Variants in ITGBL1 observed in about 807,000 individuals in gnomAD.
ITGBL1 encodes integrin subunit beta like 1.
In ITGBL1, 51 loss-of-function variants were observed where a neutral mutation model predicts 68.5. The observed-to-expected ratio is 0.74, with a 90% CI of 0.59 to 0.94. ITGBL1 has a LOEUF of 0.94. Ranked by LOEUF, ITGBL1 falls within the 40% of genes least tolerant of loss-of-function variation. The pLI, the probability that ITGBL1 is intolerant of heterozygous loss-of-function variation, is 0.00. For synonymous variants in ITGBL1, 209 were observed against 227.3 expected (o/e 0.92, Z 0.72); for missense variants, 649 against 647.4 (o/e 1.00, Z -0.03).
At position 101,606,176 on chromosome 13, in the gene ITGBL1, A is replaced by ATG. The variant is rs2030846107; in HGVS notation, c.1015+7878_1015+7879insGT. On this transcript the variant is annotated intron_variant, in intron 7 of 10. Coordinates refer to ENST00000376180, the MANE Select transcript of ITGBL1 (RefSeq NM_004791.3). Reference sequence around the variant, plus strand: ...TTCAGTATATTCTATTAGGATTTTTATATATATATATATATAGCCTTATAT... The same window carrying ATG: ...TTCAGTATATTCTATTAGGATTTTTATGTATATATATATATATAGCCTTATAT... 2.8e-5 allele frequency among the ~76,000 whole-genome samples: 4 copies of ATG among 144,100 alleles called. No homozygotes were observed. The South Asian group carries it at 8.7e-4, about 31-fold the overall frequency. 94.5% of individuals were successfully genotyped at this position (144,100 alleles called of 152,430 possible).
intron 2 of ITGBL1, among the ~76,000 whole-genome samples, chr13:101,518,679 T>G (rs2049234386): frequency 6.6e-6 from 1 of 152,198 alleles, no homozygotes; most frequent in African/African-American, 2.4e-5. Context: ...AATATTGGCC[T>G]TGAGAAAATG....
chr13:101,679,823 G>T (rs1180250347), intron 7 of ITGBL1, among the ~76,000 whole-genome samples: 3 of 152,206 alleles, frequency 2.0e-5, no homozygotes, highest in Non-Finnish European at 4.4e-5. Context: ...TTAGAGATGA[G>T]TGTGGCCTGG....
intron 7 of ITGBL1, among the ~76,000 whole-genome samples, chr13:101,616,315 A>G (rs900690461): frequency 6.6e-6 from 1 of 152,146 alleles, no homozygotes; most frequent in African/African-American, 2.4e-5. Flanking sequence ...ATGTATATCC[A>G]AGGTAGGATG....
chr13:101,464,671 A>G (rs2048359896), intron 2 of ITGBL1, among the ~76,000 whole-genome samples: 1 of 152,180 alleles, frequency 6.6e-6, no homozygotes, highest in Non-Finnish European at 1.5e-5. Flanking sequence ...CATAATATAT[A>G]TACACATATT....
rs1399006996 is a variant in ITGBL1 at position 101,564,567 on chromosome 13, T to C, written c.317-3132T>C. ...ATGTATATATAACAATATATAACAATTTATGTACATATATATGTATCCTGG... is the reference window on the plus strand; with the variant it reads ...ATGTATATATAACAATATATAACAACTTATGTACATATATATGTATCCTGG... On this transcript the variant is annotated intron_variant, in intron 2 of 10. Transcript: ENST00000376180. Among the ~76,000 whole-genome samples, 3 of 150,370 alleles carry C rather than the reference T, an allele frequency of 2.0e-5. No homozygotes were observed. In the East Asian group the frequency reaches 5.8e-4, roughly 29 times the overall value.
chr13:101,629,574 A>AT (rs1255137374), intron 7 of ITGBL1, among the ~76,000 whole-genome samples: 2 of 152,052 alleles, frequency 1.3e-5, no homozygotes, highest in Non-Finnish European at 2.9e-5. Context: ...AAGATATAGC[A>AT]TTTTTTCAAT....
chr13:101,576,793 C>A (rs542596549), intron 4 of ITGBL1, among the ~76,000 whole-genome samples: 1 of 152,254 alleles, frequency 6.6e-6, no homozygotes, highest in African/African-American at 2.4e-5. Flanking sequence ...AACACAAAAA[C>A]CTTATTTTCA....
At position 101,567,834 on chromosome 13, in the gene ITGBL1, G is replaced by C. The variant is rs200840079; in HGVS notation, c.452G>C (p.Cys151Ser). 1 of 1,612,814 alleles carries C rather than the reference G, an allele frequency of 6.2e-7. No homozygotes were observed. The highest frequency in any genetic ancestry group is 8.5e-7 in the Non-Finnish European group (1 of 1,179,224). ...TGCAAGAATTCACAAGACATCATCTGCTCTAATGCAGGTAAGAAGTATACC... is the reference window on the plus strand; with the variant it reads ...TGCAAGAATTCACAAGACATCATCTCCTCTAATGCAGGTAAGAAGTATACC... The part of the protein sequence containing the change: ...QMCKNSQDII[C>S]SNAGTCHCGR... The change falls in exon 3 of 11, where the codon TGC (cysteine) becomes TCC (serine). Residue 151 changes from cysteine to serine, a missense_variant. Coordinates refer to ENST00000376180, the MANE Select transcript of ITGBL1 (RefSeq NM_004791.3).
In ITGBL1 at chr13:101,496,482, A is replaced by G. The variant is rs1405489166; in HGVS notation, c.316+42382A>G. ...ACATAATTGTGCTTGTGCTTGCATG[A>G]TAATTAGGCATGCATGATAATGGGG... On this transcript the variant is annotated intron_variant, in intron 2 of 10. Transcript: ENST00000376180. Among the ~76,000 whole-genome samples, 3 of 152,306 alleles carry G rather than the reference A, an allele frequency of 2.0e-5. No individual in the cohort carries two copies. The East Asian group carries it at 5.8e-4, about 29-fold the overall frequency.
intron 5 of ITGBL1, 55 bp downstream of exon 5, chr13:101,579,482 T>C: frequency 6.4e-7 from 1 of 1,555,898 alleles, no homozygotes; most frequent in Non-Finnish European, 8.8e-7. Flanking sequence ...AGCTTTTAAT[T>C]GTTAACACTT....
chr13:101,642,708 A>G (rs1485958804), intron 7 of ITGBL1, among the ~76,000 whole-genome samples: 5 of 151,368 alleles, frequency 3.3e-5, no homozygotes, highest in Non-Finnish European at 7.4e-5. Context: ...TCTAACGTTT[A>G]AGTCTTTAAT....
chr13:101,615,778 A>G (rs904049296), intron 7 of ITGBL1, among the ~76,000 whole-genome samples: 4 of 152,136 alleles, frequency 2.6e-5, no homozygotes, highest in Admixed American at 2.0e-4. Context: ...GACAGAGACC[A>G]TGTCTCTAAA....
At chr13:101,705,875 C>T (rs533015880) in intron 8 of ITGBL1, among the ~76,000 whole-genome samples, 29 of 112,804 alleles carry the variant, frequency 2.6e-4, no homozygotes, top group Admixed American at 1.9e-3. Flanking sequence ...TCCCCTAGTG[C>T]ATAGCAAAAT....
intron 2 of ITGBL1, among the ~76,000 whole-genome samples, chr13:101,481,079 T>TACACAC (rs779796640): frequency 4.1e-4 from 19 of 46,636 alleles, no homozygotes; most frequent in African/African-American, 9.7e-4. Flanking sequence ...TACATATATA[T>TACACAC]ACACACATAT....
chr13:101,576,727 A>G (rs997896122), intron 4 of ITGBL1, among the ~76,000 whole-genome samples: 1 of 152,130 alleles, frequency 6.6e-6, no homozygotes, highest in African/African-American at 2.4e-5. Flanking sequence ...TTTAGGCCTG[A>G]TTGGCCCTCC....
In ITGBL1 at chr13:101,583,232, T is replaced by C. The variant is rs2050492933; in HGVS notation, c.744T>C (p.Gly248=). 6.2e-7 allele frequency: 1 copy of C among 1,613,748 alleles called. No homozygotes were observed. Among genetic ancestry groups the C allele is most frequent in the Non-Finnish European group, 8.5e-7 (1 of 1,179,756 alleles). ...ICSNRGTCVC[G]ECTCHDVDPT... ...CCCACCTAGGGACTTGTGTATGTGG[T>C]GAATGTACCTGTCACGATGTTGATC... The change falls in exon 6 of 11, where the codon GGT becomes GGC. Residue 248 remains glycine (G), a synonymous_variant. Transcript: ENST00000376180.
chr13:101,591,538 T>C (rs1019115206), intron 6 of ITGBL1, among the ~76,000 whole-genome samples: 7 of 152,172 alleles, frequency 4.6e-5, no homozygotes, highest in African/African-American at 1.7e-4. Flanking sequence ...TTTATGATTT[T>C]GTGATTTTTT....
intron 7 of ITGBL1, among the ~76,000 whole-genome samples, chr13:101,604,395 T>C (rs2030567959): frequency 6.6e-6 from 1 of 151,926 alleles, no homozygotes; most frequent in Admixed American, 6.6e-5. Flanking sequence ...TGAGTAAATG[T>C]ATAGAATTAT....
At chr13:101,670,212 T>C (rs1232130643) in intron 7 of ITGBL1, among the ~76,000 whole-genome samples, 1 of 152,234 alleles carries the variant, frequency 6.6e-6, no homozygotes, top group Non-Finnish European at 1.5e-5. Flanking sequence ...GGTACTAGTT[T>C]TCTTGTTTAC....
Sources: allele counts gnomAD v4.1 joint callset (sites outside exome capture counted in the v4.1 genomes callset), GRCh38; gene constraint gnomAD v4.1.1; transcripts MANE v1.5; gene names NCBI Gene and HGNC (gene_info 2026-07-23, HGNC 2026-07-21).